MCHR2: variants seen among roughly 807,000 people sequenced by gnomAD.
MCHR2 encodes the protein melanin-concentrating hormone receptor 2.
Under a neutral mutation model 24.8 loss-of-function variants are expected in MCHR2, and 15 were observed. The observed-to-expected ratio is 0.60, with a 90% CI of 0.40 to 0.93. MCHR2 has a LOEUF of 0.93. Ranked by LOEUF, MCHR2 falls within the 40% of genes least tolerant of loss-of-function variation. MCHR2 has a pLI of 0.00. For missense variants in MCHR2, 386 were observed against 408.7 expected (o/e 0.94, Z 0.48); for synonymous variants, 151 against 147.6 (o/e 1.02, Z -0.17).
At chr6:99,968,061 T>C (rs891063530) in intron 1 of MCHR2, among the ~76,000 whole-genome samples, 3 of 152,190 alleles carry the variant, frequency 2.0e-5, no homozygotes, top group African/African-American at 7.2e-5. Context: ...AAAAAAAGTA[T>C]TGAGAATAAT....
chr6:99,971,004 T>C (rs1226507854), intron 1 of MCHR2, among the ~76,000 whole-genome samples: 4 of 152,316 alleles, frequency 2.6e-5, no homozygotes, highest in Admixed American at 1.3e-4. Flanking sequence ...ATGATGCCTC[T>C]GGCTTTGTTC....
At chr6:99,972,342 T>A (rs1775443557) in intron 1 of MCHR2, among the ~76,000 whole-genome samples, 1 of 152,246 alleles carries the variant, frequency 6.6e-6, no homozygotes, top group African/African-American at 2.4e-5. Context: ...TTCTAGTTTA[T>A]TTGCATAGAG....
At chr6:99,973,134 C>A (rs1027818119) in intron 1 of MCHR2, among the ~76,000 whole-genome samples, 328 of 151,678 alleles carry the variant, frequency 2.2e-3, no homozygotes, top group Non-Finnish European at 3.6e-3. Flanking sequence ...CTTTCTGTCT[C>A]GTTGATCTGT....
chr6:99,931,473 G>T (rs1170330799), intron 5 of MCHR2, among the ~76,000 whole-genome samples: 2 of 152,216 alleles, frequency 1.3e-5, no homozygotes, highest in African/African-American at 4.8e-5. Flanking sequence ...AGGCCTCCTT[G>T]AGCTGTGGTG....
chr6:99,955,647 C>T (rs550080522), intron 2 of MCHR2, among the ~76,000 whole-genome samples: 67 of 152,146 alleles, frequency 4.4e-4, no homozygotes, highest in Admixed American at 4.0e-3. Flanking sequence ...GGTGAAACTG[C>T]ATATCAGGAG....
At chr6:99,943,167 T>G in intron 3 of MCHR2, 24 bp from the exon 4 acceptor site, 1 of 1,578,538 alleles carries the variant, frequency 6.3e-7, no homozygotes, top group Non-Finnish European at 8.6e-7. Flanking sequence ...CAGGAAGAGT[T>G]TTGGAACAAT....
intron 5 of MCHR2, among the ~76,000 whole-genome samples, chr6:99,922,437 G>A (rs906448576): frequency 8.5e-5 from 13 of 152,086 alleles, no homozygotes; most frequent in African/African-American, 2.7e-4. Flanking sequence ...TTGGTTGCCC[G>A]TGCCTGTGGA....
At chr6:99,963,678 TAAG>T (rs979921408) in intron 1 of MCHR2, among the ~76,000 whole-genome samples, 40 of 152,098 alleles carry the variant, frequency 2.6e-4, no homozygotes, top group African/African-American at 5.1e-4. Flanking sequence ...TTAATCATAA[TAAG>T]AAATGCATGT....
intron 1 of MCHR2, among the ~76,000 whole-genome samples, chr6:99,969,808 T>C (rs913949660): frequency 6.7e-6 from 1 of 150,358 alleles, no homozygotes; most frequent in Non-Finnish European, 1.5e-5. Flanking sequence ...TGAGAACATG[T>C]GGTGTTTGGT....
Position 99,921,182 on chromosome 6 carries a change from T to TAAAG in MCHR2, c.777_780dup (p.Ile261LeufsTer43), listed in dbSNP as rs1774220559. The TAAAG allele has an allele frequency of 6.2e-7, 1 of 1,614,050 alleles. No individual in the cohort carries two copies. The highest frequency in any genetic ancestry group is 1.3e-5 in the African/African-American group (1 of 74,932). On this transcript the variant is annotated frameshift_variant, in exon 6 of 6. Transcript: ENST00000281806. LOFTEE classifies it low-confidence loss of function (END_TRUNC). ...ACATGATAAGGGGCAGCACTCAGGA[T>TAAAG]AAAGACTACCACCAGCACCAGCACC...
intron 5 of MCHR2, among the ~76,000 whole-genome samples, chr6:99,929,537 A>G (rs532640257): frequency 1.3e-5 from 2 of 152,208 alleles, no homozygotes; most frequent in Admixed American, 6.5e-5. Context: ...TTGGGTGCAT[A>G]TATATTTAGG....
At chr6:99,973,246 C>G (rs1368385201) in intron 1 of MCHR2, among the ~76,000 whole-genome samples, 2 of 151,570 alleles carry the variant, frequency 1.3e-5, no homozygotes, top group Admixed American at 6.6e-5. Context: ...TCTGGGTGCT[C>G]CTGTATTGGG....
In MCHR2 at chr6:99,942,521, TA is replaced by T. The variant is rs771926625; in HGVS notation, c.587+427del. On this transcript the variant is annotated intron_variant, in intron 4 of 5. Transcript: ENST00000281806. ...CATCTGAAAAAACCCTATTTCCAAA[TA>T]AGATCACATTCACAGGTATGGGGAG... 3.9e-5 allele frequency among the ~76,000 whole-genome samples: 6 copies of T among 152,132 alleles called. No homozygotes were observed. In the East Asian group the frequency reaches 7.7e-4, roughly 20 times the overall value.
chr6:99,975,815 T>C (rs886886401), intron 1 of MCHR2, among the ~76,000 whole-genome samples: 8 of 152,258 alleles, frequency 5.3e-5, no homozygotes, highest in African/African-American at 1.9e-4. Context: ...CTTAAATCAG[T>C]ATAGCTTAAA....
At chr6:99,991,600 G>A (rs1462930189) in intron 1 of MCHR2, among the ~76,000 whole-genome samples, 13 of 152,086 alleles carry the variant, frequency 8.5e-5, no homozygotes. Flanking sequence ...GAGGTCAGGA[G>A]ATCGAGACCA....
intron 4 of MCHR2, among the ~76,000 whole-genome samples, chr6:99,935,375 C>A (rs1182343823): frequency 1.3e-5 from 2 of 151,938 alleles, no homozygotes; most frequent in Non-Finnish European, 2.9e-5. Context: ...ACTTCCTCTA[C>A]CTTTCCTGGC....
chr6:99,980,736 A>G (rs1299863693), intron 1 of MCHR2, among the ~76,000 whole-genome samples: 1 of 152,204 alleles, frequency 6.6e-6, no homozygotes, highest in African/African-American at 2.4e-5. Context: ...ATCATGGATG[A>G]CCTAAAACTG....
intron 2 of MCHR2, among the ~76,000 whole-genome samples, chr6:99,954,859 A>G (rs997211485): frequency 2.6e-5 from 4 of 152,190 alleles, no homozygotes; most frequent in African/African-American, 9.7e-5. Flanking sequence ...AAATTATTCA[A>G]AATATTACAT....
intron 5 of MCHR2, among the ~76,000 whole-genome samples, chr6:99,930,314 G>A (rs1774487233): frequency 6.6e-6 from 1 of 152,048 alleles, no homozygotes; most frequent in African/African-American, 2.4e-5. Context: ...ACTATTATGT[G>A]TCTTGGAGTT....
Sources: allele counts gnomAD v4.1 joint callset (sites outside exome capture counted in the v4.1 genomes callset), GRCh38; gene constraint gnomAD v4.1.1; transcripts MANE v1.5; gene names NCBI Gene and HGNC (gene_info 2026-07-23, HGNC 2026-07-21).